The following RSRC1 variants were observed in gnomAD, a reference collection of about 807,000 sequenced individuals.
RSRC1 encodes arginine and serine rich coiled-coil 1, also known as serine/Arginine-related protein 53.
A neutral mutation model predicts 49.1 loss-of-function variants in RSRC1; 39 were observed. That is an observed-to-expected ratio of 0.79 (90% CI 0.61 to 1.04). The LOEUF (loss-of-function observed/expected upper bound fraction) is 1.04, where lower values mean the gene tolerates loss of function less well. Ranked by LOEUF, RSRC1 falls within the 50% of genes least tolerant of loss-of-function variation. RSRC1 has a pLI of 0.00. For synonymous variants in RSRC1, 143 were observed against 130.8 expected (o/e 1.09, Z -0.63); for missense variants, 388 against 402.4 (o/e 0.96, Z 0.31).
chr3:158,210,156 A>T (rs1292894260), intron 4 of RSRC1, among the ~76,000 whole-genome samples: 1 of 152,064 alleles, frequency 6.6e-6, no homozygotes, highest in Admixed American at 6.6e-5. Context: ...CCCTATTTGC[A>T]TATAGGTTAT....
At chr3:158,221,661 G>A (rs1311114964) in intron 4 of RSRC1, among the ~76,000 whole-genome samples, 2 of 151,322 alleles carry the variant, frequency 1.3e-5, no homozygotes, top group African/African-American at 2.4e-5. Context: ...GATTTGTAGG[G>A]CCTACTCCAG....
At chr3:158,277,961 T>C (rs1373954997) in intron 4 of RSRC1, among the ~76,000 whole-genome samples, 5 of 152,124 alleles carry the variant, frequency 3.3e-5, no homozygotes, top group Admixed American at 6.5e-5. Flanking sequence ...CTAAGGAGCA[T>C]TTTTATGTCT....
intron 4 of RSRC1, among the ~76,000 whole-genome samples, chr3:158,207,477 G>GGA (rs900928426): frequency 2.6e-5 from 4 of 151,848 alleles, no homozygotes; most frequent in East Asian, 1.9e-4. Flanking sequence ...AAAAATTTGT[G>GGA]GAGAGAGAGA....
At chr3:158,390,797 T>C (rs1733239958) in intron 6 of RSRC1, among the ~76,000 whole-genome samples, 2 of 152,138 alleles carry the variant, frequency 1.3e-5, no homozygotes, top group Non-Finnish European at 2.9e-5. Flanking sequence ...AATTTGTCAA[T>C]GAGTGGATTT....
At chr3:158,174,823 A>C (rs1719105766) in intron 3 of RSRC1, among the ~76,000 whole-genome samples, 1 of 152,048 alleles carries the variant, frequency 6.6e-6, no homozygotes, top group Non-Finnish European at 1.5e-5. Context: ...TTTTTGCTAC[A>C]TGTCTCCTTT....
At chr3:158,352,934 A>G (rs1457178867) in intron 5 of RSRC1, among the ~76,000 whole-genome samples, 2 of 152,210 alleles carry the variant, frequency 1.3e-5, no homozygotes, top group Admixed American at 6.5e-5. Context: ...TTCAGTAGAT[A>G]TCACAGTTTT....
chr3:158,259,157 G>T (rs1370204868), intron 4 of RSRC1, among the ~76,000 whole-genome samples: 2 of 152,070 alleles, frequency 1.3e-5, no homozygotes, highest in African/African-American at 4.8e-5. Flanking sequence ...ATAGGTGTCT[G>T]GGCATTATTA....
At chr3:158,226,084 T>G (rs571960583) in intron 4 of RSRC1, among the ~76,000 whole-genome samples, 7 of 151,946 alleles carry the variant, frequency 4.6e-5, no homozygotes, top group African/African-American at 1.7e-4. Context: ...GCCCTAGACT[T>G]TTTTGAGGAA....
At chr3:158,492,979 C>T (rs1739149590) in intron 7 of RSRC1, among the ~76,000 whole-genome samples, 1 of 152,104 alleles carries the variant, frequency 6.6e-6, no homozygotes, top group African/African-American at 2.4e-5. Flanking sequence ...CTCTAAATGT[C>T]ATCTTGCTTG....
intron 5 of RSRC1, among the ~76,000 whole-genome samples, chr3:158,328,180 T>G (rs1729291189): frequency 6.6e-6 from 1 of 152,216 alleles, no homozygotes; most frequent in Admixed American, 6.5e-5. Flanking sequence ...TCTTGACTCT[T>G]TATCCAATTT....
In RSRC1 at chr3:158,229,260, A is replaced by T. The variant is rs1271561222; in HGVS notation, c.494+26015A>T. ...TATGTATGTATATAAACATACATGT[A>T]TATGTGTATGTATGTATATAAACAT... On this transcript the variant is annotated intron_variant, in intron 4 of 9. Transcript: ENST00000611884. 4.3e-5 allele frequency among the ~76,000 whole-genome samples: 6 copies of T among 138,850 alleles called. 1 individual carries two copies. Among genetic ancestry groups the T allele is most frequent in the Admixed American group, 2.9e-4 (4 of 13,668 alleles). The allele number at this position is 138,850 out of a possible 152,430, so 91.1% of individuals were successfully genotyped here. A position where few individuals can be genotyped will look rare whatever the true frequency, so the allele number is the denominator to read the frequency against.
chr3:158,142,021 C>T (rs560553230), intron 3 of RSRC1, among the ~76,000 whole-genome samples: 4 of 152,240 alleles, frequency 2.6e-5, no homozygotes, highest in East Asian at 3.9e-4. Flanking sequence ...TCGCTTGAAC[C>T]GAGGAGGCAG....
intron 6 of RSRC1, among the ~76,000 whole-genome samples, chr3:158,440,076 A>G (rs1736298464): frequency 6.6e-6 from 1 of 152,132 alleles, no homozygotes; most frequent in South Asian, 2.1e-4. Flanking sequence ...TGGCACGTGT[A>G]TACCTATGTA....
At chr3:158,429,232 T>C (rs1735633440) in intron 6 of RSRC1, among the ~76,000 whole-genome samples, 1 of 151,718 alleles carries the variant, frequency 6.6e-6, no homozygotes, top group African/African-American at 2.4e-5. Flanking sequence ...GCCTGACCAA[T>C]AGGAAAATGA....
At chr3:158,294,778 C>T (rs547797526) in intron 4 of RSRC1, among the ~76,000 whole-genome samples, 1 of 152,282 alleles carries the variant, frequency 6.6e-6, no homozygotes, top group South Asian at 2.1e-4. Flanking sequence ...CTGTGCCTTC[C>T]TCCTAATACT....
At chr3:158,295,445 G>A (rs977427799) in intron 4 of RSRC1, among the ~76,000 whole-genome samples, 2 of 152,110 alleles carry the variant, frequency 1.3e-5, no homozygotes, top group African/African-American at 4.8e-5. Context: ...ATTTTATAAA[G>A]ATTTTGTTGT....
chr3:158,487,479 T>C (rs573205279), intron 7 of RSRC1, among the ~76,000 whole-genome samples: 1 of 152,276 alleles, frequency 6.6e-6, no homozygotes, highest in East Asian at 1.9e-4. Context: ...GCTGTGACTC[T>C]TGATGTTATT....
intron 4 of RSRC1, among the ~76,000 whole-genome samples, chr3:158,257,969 T>C (rs1203040430): frequency 1.3e-5 from 2 of 152,146 alleles, no homozygotes; most frequent in African/African-American, 4.8e-5. Context: ...TTTAACCTTG[T>C]CCTGTCTCTA....
At chr3:158,201,825 A>G (rs745518577) in intron 3 of RSRC1, among the ~76,000 whole-genome samples, 1 of 152,134 alleles carries the variant, frequency 6.6e-6, no homozygotes, top group Non-Finnish European at 1.5e-5. Flanking sequence ...TGCTCTTCAT[A>G]TGCTGTCTTT....
Sources: allele counts gnomAD v4.1 joint callset (sites outside exome capture counted in the v4.1 genomes callset), GRCh38; gene constraint gnomAD v4.1.1; transcripts MANE v1.5; gene names NCBI Gene and HGNC (gene_info 2026-07-23, HGNC 2026-07-21).